Variants in DPP4 observed in about 807,000 individuals in gnomAD.
DPP4 encodes the protein dipeptidyl peptidase 4, also known as ADCP-2.
Under a neutral mutation model 122.4 loss-of-function variants are expected in DPP4, and 93 were observed. That is an observed-to-expected ratio of 0.76 (90% CI 0.64 to 0.90). The LOEUF (loss-of-function observed/expected upper bound fraction) is 0.90, where lower values mean the gene tolerates loss of function less well. Among genes scored for constraint, DPP4 ranks in the 40% least tolerant of loss-of-function variants. DPP4 has a pLI of 0.00. For missense variants in DPP4, 914 were observed against 907.3 expected, an observed-to-expected ratio of 1.01 and a Z score of -0.09; for synonymous variants, 321 against 302.9, an observed-to-expected ratio of 1.06 and a Z score of -0.62.
intron 2 of DPP4, among the ~76,000 whole-genome samples, chr2:162,057,259 A>G (rs748067479): frequency 2.6e-5 from 4 of 152,198 alleles, no homozygotes; most frequent in Non-Finnish European, 5.9e-5. Flanking sequence ...CTGTCAGACT[A>G]TTACAACTCA....
At chr2:162,028,160 G>A (rs912527997) in intron 10 of DPP4, among the ~76,000 whole-genome samples, 8 of 151,876 alleles carry the variant, frequency 5.3e-5, no homozygotes, top group Admixed American at 1.3e-4. Context: ...CCAGGAGTTC[G>A]AGACCAGCTT....
chr2:162,054,144 A>G (rs1258560867), intron 2 of DPP4, among the ~76,000 whole-genome samples: 1 of 152,132 alleles, frequency 6.6e-6, no homozygotes, highest in Non-Finnish European at 1.5e-5. Context: ...AATGTTGTTT[A>G]CCCTGTTGGG....
intron 2 of DPP4, among the ~76,000 whole-genome samples, chr2:162,066,858 G>A (rs546559406): frequency 6.6e-6 from 1 of 152,146 alleles, no homozygotes; most frequent in Admixed American, 6.5e-5. Context: ...TTAATAATCA[G>A]CTGTTACGGA....
Position 162,043,627 on chromosome 2 carries a change from C to T in DPP4, c.366+1905G>A, listed in dbSNP as rs538725585. Reference sequence around the variant, plus strand: ...ATATAGTAAGGTGAGCTGGTATTACCTTTCTGTTTCTACCTTACCTTCATA... The same window carrying T: ...ATATAGTAAGGTGAGCTGGTATTACTTTTCTGTTTCTACCTTACCTTCATA... On this transcript the variant is annotated intron_variant, in intron 5 of 25. Transcript: ENST00000360534. Among the ~76,000 whole-genome samples the T allele has an allele frequency of 2.5e-3, 381 of 152,244 alleles. 3 individuals carry two copies. The highest frequency in any genetic ancestry group is 8.6e-3 in the African/African-American group (358 of 41,530).
At chr2:162,016,053 A>G (rs955508414) in intron 18 of DPP4, among the ~76,000 whole-genome samples, 1 of 152,210 alleles carries the variant, frequency 6.6e-6, no homozygotes, top group Non-Finnish European at 1.5e-5. Flanking sequence ...AGGATGCTAT[A>G]CTTTCCTGTG....
intron 2 of DPP4, among the ~76,000 whole-genome samples, chr2:162,070,039 A>G (rs745574954): frequency 2.0e-4 from 31 of 152,242 alleles, no homozygotes; most frequent in Non-Finnish European, 3.7e-4. Flanking sequence ...GGAATCATAA[A>G]TGCTGCATGT....
chr2:162,024,933 G>T lies in DPP4; in HGVS notation c.894C>A (p.His298Gln). 2 of 1,613,140 alleles carry T rather than the reference G, an allele frequency of 1.2e-6. No individual in the cohort carries two copies. The highest frequency in any genetic ancestry group is 1.7e-6 in the Non-Finnish European group (2 of 1,179,984). The change falls in exon 11 of 26, where the codon CAC becomes CAA. Residue 298 changes from histidine to glutamine, a missense_variant. By Grantham distance (24) the His-to-Gln change is conservative. Transcript: ENST00000360534. ...TAPASMLIGD[H>Q]YLCDVTWATQ... ...TTGCCCATGTCACATCACACAAGTA[G>T]TGATCCCTGGAAGGAAGAAAGAAAG...
At position 162,056,319 on chromosome 2, in the gene DPP4, C is replaced by T. The variant is rs181447187; in HGVS notation, c.95-8818G>A. Among the ~76,000 whole-genome samples, 5 of 152,220 alleles carry T rather than the reference C, an allele frequency of 3.3e-5. No individual in the cohort carries two copies. In the East Asian group the frequency reaches 9.6e-4, roughly 29 times the overall value. Reference sequence around the variant, plus strand: ...TATATTACTACAGCCTAGAACAGTGCCTGGTATACAGTAGACACTCAATAA... The same window carrying T: ...TATATTACTACAGCCTAGAACAGTGTCTGGTATACAGTAGACACTCAATAA... On this transcript the variant is annotated intron_variant, in intron 2 of 25. Transcript: ENST00000360534.
intron 23 of DPP4, 115 bp downstream of exon 23, chr2:162,005,630 A>G: frequency 1.1e-6 from 1 of 921,912 alleles, no homozygotes; most frequent in African/African-American, 1.7e-5. Context: ...TATTTCTTTT[A>G]ACAAGAATTT....
At chr2:162,070,312 C>T (rs1193107375) in intron 2 of DPP4, among the ~76,000 whole-genome samples, 2 of 151,654 alleles carry the variant, frequency 1.3e-5, no homozygotes, top group African/African-American at 4.8e-5. Flanking sequence ...TTAAGCCTCT[C>T]TCTCTCTCTC....
chr2:162,062,786 G>T (rs1158136878), intron 2 of DPP4, among the ~76,000 whole-genome samples: 1 of 152,162 alleles, frequency 6.6e-6, no homozygotes, highest in African/African-American at 2.4e-5. Flanking sequence ...ATTCAGTCAG[G>T]CCCAAGCAGG....
At chr2:162,020,421 T>C (rs1683082371) in intron 13 of DPP4, 125 bp from the exon 14 acceptor site, 2 of 1,051,126 alleles carry the variant, frequency 1.9e-6, no homozygotes, top group Non-Finnish European at 2.7e-6. Context: ...TTGTTGGGTT[T>C]CCCCACCTCG....
intron 23 of DPP4, among the ~76,000 whole-genome samples, chr2:162,003,702 A>T (rs1351841855): frequency 6.6e-6 from 1 of 152,228 alleles, no homozygotes; most frequent in Non-Finnish European, 1.5e-5. Flanking sequence ...GTCGTTAACA[A>T]GAAAATTTGA....
chr2:162,012,366 A>G (rs998271015), intron 19 of DPP4, among the ~76,000 whole-genome samples: 3 of 152,118 alleles, frequency 2.0e-5, no homozygotes, highest in Non-Finnish European at 4.4e-5. Flanking sequence ...ATATCTTTCC[A>G]TCTCAGCTTA....
At chr2:162,016,973 T>G in intron 17 of DPP4, 107 bp from the exon 18 acceptor site, 4 of 1,399,934 alleles carry the variant, frequency 2.9e-6, no homozygotes, top group Non-Finnish European at 4.0e-6. Flanking sequence ...CTACACATAC[T>G]TCAGGTTATA....
Position 161,994,921 on chromosome 2 carries a change from A to G in DPP4, c.2199+40T>C, listed in dbSNP as rs1339709859. On this transcript the variant is annotated intron_variant, in intron 25 of 25. Coordinates refer to ENST00000360534, the MANE Select transcript of DPP4 (RefSeq NM_001935.4). Reference sequence around the variant, plus strand: ...GCCCAGAAAGAGGAAACTAGACCCCACCAGCAACTTCCCTCCCCTTGCACA... The same window carrying G: ...GCCCAGAAAGAGGAAACTAGACCCCGCCAGCAACTTCCCTCCCCTTGCACA... 3 of 1,580,702 alleles carry G rather than the reference A, an allele frequency of 1.9e-6. No individual in the cohort carries two copies. In the Admixed American group the frequency reaches 5.0e-5, roughly 26 times the overall value.
chr2:162,039,256 G>T, intron 5 of DPP4, 72 bp from the exon 6 acceptor site: 1 of 1,201,734 alleles, frequency 8.3e-7, no homozygotes, highest in Non-Finnish European at 1.2e-6. Context: ...AGGAGACCAA[G>T]ATGATAGGTT....
chr2:162,054,497 G>C (rs1394436379), intron 2 of DPP4, among the ~76,000 whole-genome samples: 1 of 152,144 alleles, frequency 6.6e-6, no homozygotes. Context: ...TGGTCTGAGT[G>C]TCCCCCAAAA....
chr2:162,023,047 A>G (rs549100648), intron 11 of DPP4, among the ~76,000 whole-genome samples: 1 of 151,674 alleles, frequency 6.6e-6, no homozygotes, highest in Admixed American at 6.6e-5. Flanking sequence ...GCACAAAACT[A>G]AAGAGAATTT....
Sources: allele counts gnomAD v4.1 joint callset (sites outside exome capture counted in the v4.1 genomes callset), GRCh38; gene constraint gnomAD v4.1.1; transcripts MANE v1.5; gene names NCBI Gene and HGNC (gene_info 2026-07-23, HGNC 2026-07-21).